The following UBR1 variants were observed in gnomAD, a reference collection of about 807,000 sequenced individuals.
UBR1 encodes E3 ubiquitin-protein ligase UBR1.
UBR1 carries 102 observed loss-of-function variants against 242.1 expected under a neutral mutation model. The ratio of observed to expected loss-of-function variants is 0.42; its 90% CI spans 0.36 to 0.50. The LOEUF (loss-of-function observed/expected upper bound fraction) is 0.50. Ranked by LOEUF, UBR1 falls within the 20% of genes least tolerant of loss-of-function variation. UBR1 has a pLI of 0.01. For synonymous variants in UBR1, 675 were observed against 684.8 expected (o/e 0.99, Z 0.22); for missense variants, 1,772 against 2,101.8 (o/e 0.84, Z 3.07).
chr15:43,062,333 G>GTA (rs200881403), intron 6 of UBR1, among the ~76,000 whole-genome samples: 1,984 of 151,760 alleles, frequency 0.013, 47 homozygotes, highest in African/African-American at 0.045. Flanking sequence ...GTATATATGT[G>GTA]TATATATATA....
intron 29 of UBR1, among the ~76,000 whole-genome samples, chr15:43,014,309 C>G (rs1433981016): frequency 6.6e-6 from 1 of 152,214 alleles, no homozygotes; most frequent in Admixed American, 6.5e-5. Flanking sequence ...GCCACCCCGT[C>G]TGGGAAGTGA....
chr15:43,009,087 T>C (rs2032877502), intron 29 of UBR1, among the ~76,000 whole-genome samples: 1 of 152,226 alleles, frequency 6.6e-6, no homozygotes, highest in Admixed American at 6.5e-5. Flanking sequence ...TAAACAGGGC[T>C]GAAATGCCCA....
In UBR1 at chr15:43,024,940, G is replaced by A; in HGVS notation, c.2628C>T (p.Ser876=). The A allele has an allele frequency of 6.2e-7, 1 of 1,614,178 alleles. No homozygotes were observed. The highest frequency in any genetic ancestry group is 1.6e-4 in the Middle Eastern group (1 of 6,062). The stretch of plus-strand genomic sequence containing the variant: ...CACAGTTGAGAAGGTTAATCACTTT[G>A]CTGAAAGCAGGGCAGAATTCAGGAG... ...PPPPEFCPAF[S]KVINLLNCDI... is the part of the protein sequence containing the mutation. Residue 876 remains serine (S), a synonymous_variant, in exon 25 of 47, where the codon AGC becomes AGT. Coordinates refer to ENST00000290650, the MANE Select transcript of UBR1 (RefSeq NM_174916.3).
intron 41 of UBR1, 93 bp downstream of exon 41, chr15:42,966,060 T>A: frequency 6.3e-7 from 1 of 1,580,540 alleles, no homozygotes; most frequent in Non-Finnish European, 8.7e-7. Flanking sequence ...GGAGAAGTGG[T>A]TTTATCTGCT....
At chr15:43,029,268 T>C (rs1324819251) in intron 21 of UBR1, among the ~76,000 whole-genome samples, 1 of 152,230 alleles carries the variant, frequency 6.6e-6, no homozygotes, top group African/African-American at 2.4e-5. Context: ...TGTAGGACTA[T>C]TACCACAGTA....
rs944527630 is a variant in UBR1 at position 43,036,612 on chromosome 15, A to G, written c.2023-19T>C. On this transcript the variant is annotated intron_variant, in intron 17 of 46. Transcript: ENST00000290650. The stretch of plus-strand genomic sequence containing the variant: ...AAAACACCTATAAGGTAATAGGTAG[A>G]ATAAATCCTAAAAGAATTATTTTAT... 1.9e-5 allele frequency: 27 copies of G among 1,436,392 alleles called. No homozygotes were observed. The highest frequency in any genetic ancestry group is 2.6e-5 in the Non-Finnish European group (27 of 1,025,190). 89.0% of individuals were successfully genotyped at this position (1,436,392 alleles called of 1,614,324 possible).
intron 6 of UBR1, among the ~76,000 whole-genome samples, chr15:43,064,027 T>C (rs1244180249): frequency 6.6e-6 from 1 of 152,236 alleles, no homozygotes; most frequent in Non-Finnish European, 1.5e-5. Context: ...TGGGCCACTG[T>C]GCCCAGCATT....
intron 1 of UBR1, among the ~76,000 whole-genome samples, chr15:43,096,148 G>A (rs1179843930): frequency 6.6e-6 from 1 of 151,610 alleles, no homozygotes; most frequent in Admixed American, 6.6e-5. Context: ...ATTGCTAAAC[G>A]TGGGGGTGGC....
chr15:42,970,303 G>T (rs1478217240), intron 40 of UBR1, among the ~76,000 whole-genome samples: 2 of 152,138 alleles, frequency 1.3e-5, no homozygotes, highest in Non-Finnish European at 2.9e-5. Flanking sequence ...GCAGAAAACT[G>T]AAACTACACC....
intron 19 of UBR1, among the ~76,000 whole-genome samples, chr15:43,035,532 T>C (rs1224972515): frequency 1.3e-5 from 2 of 150,860 alleles, no homozygotes; most frequent in African/African-American, 4.9e-5. Context: ...TATTAGCCCT[T>C]TGTCAGATGA....
At chr15:43,004,018 C>T (rs1175738435) in intron 30 of UBR1, 88 bp from the exon 31 acceptor site, 2 of 1,084,812 alleles carry the variant, frequency 1.8e-6, no homozygotes, top group Non-Finnish European at 2.9e-6. Flanking sequence ...AATGTCCAAG[C>T]AAAGTGTCAC....
At chr15:43,092,236 A>G (rs1484560635) in intron 1 of UBR1, among the ~76,000 whole-genome samples, 1 of 152,158 alleles carries the variant, frequency 6.6e-6, no homozygotes, top group African/African-American at 2.4e-5. Flanking sequence ...CTCAAGGCCA[A>G]CCTTAGCGAA....
At chr15:43,028,320 T>G (rs1329404861) in intron 21 of UBR1, among the ~76,000 whole-genome samples, 1 of 152,186 alleles carries the variant, frequency 6.6e-6, no homozygotes, top group Admixed American at 6.5e-5. Flanking sequence ...TGACCTGATC[T>G]TTTCCTTAAA....
chr15:43,021,905 A>T (rs1267263086), intron 26 of UBR1, among the ~76,000 whole-genome samples: 1 of 152,202 alleles, frequency 6.6e-6, no homozygotes, highest in Non-Finnish European at 1.5e-5. Flanking sequence ...GATTACAATG[A>T]TATGATCTAC....
intron 6 of UBR1, among the ~76,000 whole-genome samples, chr15:43,060,362 G>A (rs1017915912): frequency 1.3e-5 from 2 of 152,196 alleles, no homozygotes; most frequent in African/African-American, 4.8e-5. Flanking sequence ...TGCCTGGCAG[G>A]AATGGCAGTT....
intron 42 of UBR1, among the ~76,000 whole-genome samples, chr15:42,962,914 C>T (rs1396918905): frequency 1.3e-5 from 2 of 152,184 alleles, no homozygotes; most frequent in East Asian, 3.9e-4. Context: ...CACTTTCCTG[C>T]AACATAGGGC....
intron 39 of UBR1, among the ~76,000 whole-genome samples, 187 bp from the exon 40 acceptor site, chr15:42,970,794 C>T (rs1171480021): frequency 6.6e-6 from 1 of 151,746 alleles, no homozygotes; most frequent in Non-Finnish European, 1.5e-5. Flanking sequence ...GCGATCTTGG[C>T]TTGCTGCAAC....
At chr15:43,061,580 C>A (rs1346847448) in intron 6 of UBR1, among the ~76,000 whole-genome samples, 1 of 151,932 alleles carries the variant, frequency 6.6e-6, no homozygotes, top group Admixed American at 6.6e-5. Flanking sequence ...TATACACACA[C>A]ACATATATGT....
At chr15:43,036,117 T>A in intron 19 of UBR1, 61 bp downstream of exon 19, 1 of 1,375,492 alleles carries the variant, frequency 7.3e-7, no homozygotes, top group East Asian at 2.3e-5. Flanking sequence ...AAATAAAATA[T>A]GACTGAAATA....
Sources: gnomAD v4.1 joint callset for allele counts (sites outside exome capture counted in the v4.1 genomes callset) on GRCh38, gnomAD v4.1.1 for gene constraint, MANE v1.5 for transcripts, NCBI Gene and HGNC (gene_info 2026-07-23, HGNC 2026-07-21) for gene names.